Variants in HOXA3 observed in about 807,000 individuals in gnomAD.
HOXA3 encodes homeobox protein Hox-A3.
HOXA3 carries 8 observed loss-of-function variants against 30.3 expected under a neutral mutation model. The observed-to-expected ratio is 0.26, with a 90% CI of 0.15 to 0.48. HOXA3 has a LOEUF of 0.48. Among genes scored for constraint, HOXA3 ranks in the 20% least tolerant of loss-of-function variants. HOXA3 has a pLI of 0.99. For missense variants in HOXA3, 653 were observed against 614.4 expected, an observed-to-expected ratio of 1.06 and a Z score of -0.66; for synonymous variants, 323 against 273.1, an observed-to-expected ratio of 1.18 and a Z score of -1.80.
At chr7:27,141,436 G>C (rs1400523136) in intron 1 of HOXA3, 3 of 170,866 alleles carry the variant, frequency 1.8e-5, no homozygotes, top group African/African-American at 7.2e-5. Context: ...TATTGAGACA[G>C]GAACACTTCC....
chr7:27,114,759 A>ACACACACACACACG (rs1784581426), intron 4 of HOXA3, among the ~76,000 whole-genome samples: 1 of 135,510 alleles, frequency 7.4e-6, no homozygotes, highest in Non-Finnish European at 1.6e-5. Flanking sequence ...ACACACACAC[A>ACACACACACACACG]CACACACACG....
At chr7:27,129,638 G>A (rs1208045783) in intron 2 of HOXA3, 1 of 1,567,180 alleles carries the variant, frequency 6.4e-7, no homozygotes, top group Non-Finnish European at 8.7e-7. Context: ...AAAGGAGGAG[G>A]AGAGAGAAGG....
chr7:27,148,811 G>T (rs1224360131), intron 1 of HOXA3, among the ~76,000 whole-genome samples: 2 of 152,250 alleles, frequency 1.3e-5, no homozygotes, highest in African/African-American at 4.8e-5. Flanking sequence ...TCCAGATGTG[G>T]AATCTCTCTG....
At chr7:27,145,701 G>A (rs777482036) in intron 1 of HOXA3, 8 of 1,614,198 alleles carry the variant, frequency 5.0e-6, no homozygotes, top group East Asian at 2.2e-5. Flanking sequence ...GCTGGGCTGC[G>A]TGGAATTGAT....
At chr7:27,138,216 C>T (rs770698914) in intron 2 of HOXA3, among the ~76,000 whole-genome samples, 28 of 152,202 alleles carry the variant, frequency 1.8e-4, no homozygotes, top group Non-Finnish European at 3.1e-4. Context: ...ATAGGTTACA[C>T]ACAATGACTT....
chr7:27,148,186 C>T (rs1225817364), intron 1 of HOXA3, among the ~76,000 whole-genome samples: 1 of 152,276 alleles, frequency 6.6e-6, no homozygotes, highest in Non-Finnish European at 1.5e-5. Context: ...GGTTCCCCGC[C>T]CCTCCTCCTC....
intron 4 of HOXA3, among the ~76,000 whole-genome samples, chr7:27,121,533 G>C (rs1785013928): frequency 6.6e-6 from 1 of 152,098 alleles, no homozygotes; most frequent in African/African-American, 2.4e-5. Context: ...CTATTGCTCT[G>C]TTTACCTTCT....
chr7:27,129,456 G>GCGC (rs769951292), intron 2 of HOXA3: 4 of 1,614,210 alleles, frequency 2.5e-6, no homozygotes, highest in Non-Finnish European at 3.4e-6. Context: ...TCTCGATGCG[G>GCGC]CGCCGCCGGG....
chr7:27,139,708 G>A (rs1198353458), intron 2 of HOXA3, among the ~76,000 whole-genome samples: 1 of 152,246 alleles, frequency 6.6e-6, no homozygotes, highest in East Asian at 1.9e-4. Context: ...CCCAGGAGCT[G>A]GCCCCGGCCG....
intron 1 of HOXA3, chr7:27,143,230 G>C: frequency 6.2e-7 from 1 of 1,609,416 alleles, no homozygotes; most frequent in Non-Finnish European, 8.5e-7. Context: ...CCGAGGCGCC[G>C]CTGGAGTTGC....
chr7:27,138,530 G>T (rs1035275184), intron 2 of HOXA3, among the ~76,000 whole-genome samples: 1 of 152,214 alleles, frequency 6.6e-6, no homozygotes, highest in African/African-American at 2.4e-5. Context: ...TGCAGTAGGA[G>T]AATTTGGCTT....
rs930450180 is a variant in HOXA3, at chr7:27,114,763, A to G, written c.-120-4003T>C. Reference sequence around the variant, plus strand: ...ACATCATACACACACACACACACACACACACGCAGGGCAGAGGAATATGTG... The same window carrying G: ...ACATCATACACACACACACACACACGCACACGCAGGGCAGAGGAATATGTG... On this transcript the variant is annotated intron_variant, in intron 4 of 5. Coordinates refer to ENST00000612286, the MANE Select transcript of HOXA3 (RefSeq NM_153631.3). 1.5e-5 allele frequency among the ~76,000 whole-genome samples: 2 copies of G among 134,458 alleles called. 1 individual carries two copies. The highest frequency in any genetic ancestry group is 5.5e-5 in the African/African-American group (2 of 36,510). The allele number at this position is 134,458 out of a possible 152,430, so 88.2% of individuals were successfully genotyped here.
At chr7:27,142,407 G>A (rs997010498) in intron 1 of HOXA3, among the ~76,000 whole-genome samples, 1 of 152,118 alleles carries the variant, frequency 6.6e-6, no homozygotes, top group Non-Finnish European at 1.5e-5. Flanking sequence ...GCTGCCCACC[G>A]CACAGAAACC....
chr7:27,147,821 G>T, intron 1 of HOXA3: 1 of 1,350,830 alleles, frequency 7.4e-7, no homozygotes, highest in Non-Finnish European at 1.0e-6. Flanking sequence ...AGTAGTCATC[G>T]AACTGGTTTG....
chr7:27,131,061 C>G (rs1054685961), intron 2 of HOXA3, among the ~76,000 whole-genome samples: 1 of 152,126 alleles, frequency 6.6e-6, no homozygotes, highest in Non-Finnish European at 1.5e-5. Flanking sequence ...GGGGAGGGAG[C>G]AGGAGCTTTG....
At chr7:27,130,806 C>T (rs1785524134) in intron 2 of HOXA3, 1 of 1,443,784 alleles carries the variant, frequency 6.9e-7, no homozygotes, top group Non-Finnish European at 9.5e-7. Context: ...GGCCCCTCCC[C>T]CTCCTGCCTC....
At chr7:27,117,488 C>A (rs1784784371) in intron 4 of HOXA3, among the ~76,000 whole-genome samples, 1 of 152,186 alleles carries the variant, frequency 6.6e-6, no homozygotes, top group African/African-American at 2.4e-5. Flanking sequence ...CCCTCTGGGG[C>A]AGAGGGTGCT....
At chr7:27,128,542 T>A (rs1361676661) in intron 2 of HOXA3, 1 of 152,276 alleles carries the variant, frequency 6.6e-6, no homozygotes, top group Non-Finnish European at 1.5e-5. Context: ...TAAATGGAGT[T>A]TATTCTTAGC....
intron 1 of HOXA3, among the ~76,000 whole-genome samples, chr7:27,148,147 C>T (rs190513746): frequency 2.6e-4 from 39 of 152,402 alleles, no homozygotes; most frequent in Non-Finnish European, 1.5e-5. Context: ...CTCCTTCCTC[C>T]TCCCCTTTTT....
Sources: gnomAD v4.1 joint callset for allele counts (sites outside exome capture counted in the v4.1 genomes callset) on GRCh38, gnomAD v4.1.1 for gene constraint, MANE v1.5 for transcripts, NCBI Gene and HGNC (gene_info 2026-07-23, HGNC 2026-07-21) for gene names.